Variants in PUM2 observed in about 807,000 individuals in gnomAD.
PUM2 encodes the protein pumilio RNA binding family member 2.
PUM2 carries 57 observed loss-of-function variants against 124.5 expected under a neutral mutation model. The ratio of observed to expected loss-of-function variants is 0.46; its 90% CI spans 0.37 to 0.57. The LOEUF is 0.57. Ranked by LOEUF, PUM2 falls within the 20% of genes least tolerant of loss-of-function variation. PUM2 has a pLI of 0.00. For missense variants in PUM2, 1,065 were observed against 1,290.6 expected (o/e 0.83, Z 2.68); for synonymous variants, 460 against 446.1 (o/e 1.03, Z -0.39).
At chr2:20,333,376 A>G (rs1685312361) in intron 1 of PUM2, among the ~76,000 whole-genome samples, 1 of 152,168 alleles carries the variant, frequency 6.6e-6, no homozygotes. Context: ...TCTACAAAAA[A>G]TTAAAAAATT....
chr2:20,267,019 C>T (rs1667815498), intron 13 of PUM2, among the ~76,000 whole-genome samples: 1 of 150,200 alleles, frequency 6.7e-6, no homozygotes, highest in African/African-American at 2.5e-5. Context: ...GGACATCATG[C>T]CTGTAACTTT....
In PUM2 at chr2:20,263,308, G is replaced by A. The variant is rs1558494480; in HGVS notation, c.2110C>T (p.Pro704Ser). 3.0e-5 allele frequency: 48 copies of A among 1,614,082 alleles called. No individual in the cohort carries two copies. Among genetic ancestry groups the A allele is most frequent in the Non-Finnish European group, 3.8e-5 (45 of 1,179,936 alleles). The change falls in exon 14 of 21, where the codon CCT (proline) becomes TCT (serine). Residue 704 changes from proline to serine, a missense_variant. This residue lies in a region of PUM2 where 968 missense variants were observed against 1,159.8 expected (regional missense o/e 0.83). Transcript: ENST00000361078. ...RLRYNRSDIM[P>S]SGRSRLLEDF... is the part of the protein sequence containing the mutation. ...TCCAATAATCTACTGCGGCCAGAAG[G>A]CATAATATCAGACCTATTATACCGA... is the stretch of plus-strand genomic sequence containing the variant.
chr2:20,262,866 A>G (rs1384835039), intron 14 of PUM2, among the ~76,000 whole-genome samples: 8 of 152,282 alleles, frequency 5.3e-5, no homozygotes, highest in East Asian at 1.9e-4. Context: ...ATTGTTTGCT[A>G]TATTTTTTAA....
At chr2:20,285,002 C>T (rs1350331192) in intron 10 of PUM2, among the ~76,000 whole-genome samples, 1 of 152,210 alleles carries the variant, frequency 6.6e-6, no homozygotes, top group Admixed American at 6.5e-5. Flanking sequence ...CCAAGGCACA[C>T]AGAAAACATT....
intron 9 of PUM2, among the ~76,000 whole-genome samples, chr2:20,293,635 G>A (rs1436002921): frequency 1.3e-5 from 2 of 152,124 alleles, no homozygotes; most frequent in Non-Finnish European, 2.9e-5. Context: ...ACTTGAACCT[G>A]GGGTGGAAGT....
intron 10 of PUM2, among the ~76,000 whole-genome samples, chr2:20,286,125 G>C (rs1672666275): frequency 6.6e-6 from 1 of 152,172 alleles, no homozygotes; most frequent in African/African-American, 2.4e-5. Flanking sequence ...GAAACCATTA[G>C]AGTTTTGAGG....
chr2:20,340,163 A>T (rs1365495775), intron 1 of PUM2, among the ~76,000 whole-genome samples: 1 of 151,832 alleles, frequency 6.6e-6, no homozygotes, highest in East Asian at 1.9e-4. Context: ...GAACTGGTTT[A>T]AAAAAAAATC....
At chr2:20,268,068 G>T (rs1469976824) in intron 13 of PUM2, among the ~76,000 whole-genome samples, 1 of 152,118 alleles carries the variant, frequency 6.6e-6, no homozygotes, top group Admixed American at 6.5e-5. Context: ...ACAAAATAAA[G>T]AAATCTGTCT....
At chr2:20,258,049 A>G (rs1665233656) in intron 16 of PUM2, among the ~76,000 whole-genome samples, 194 bp downstream of exon 16, 1 of 152,206 alleles carries the variant, frequency 6.6e-6, no homozygotes, top group Admixed American at 6.5e-5. Flanking sequence ...GTGCTAAAAT[A>G]TCTTCATTTA....
intron 9 of PUM2, among the ~76,000 whole-genome samples, chr2:20,292,132 A>G (rs1558566979): frequency 1.3e-5 from 2 of 150,894 alleles, no homozygotes; most frequent in East Asian, 3.9e-4. Context: ...CATGAGCTGC[A>G]TCATGCTGCT....
Position 20,251,590 on chromosome 2 carries a change from G to A in PUM2, c.3190C>T (p.Leu1064=), listed in dbSNP as rs1197559503. Residue 1064 remains leucine, a synonymous_variant, in exon 21 of 21, where the codon CTG becomes TTG. Coordinates refer to ENST00000361078, the MANE Select transcript of PUM2 (RefSeq NM_015317.5). ...CTTTCTCTTGCTCCTGTAATTTACA[G>A]CATTCCATTTGGTGGTCCTCCAATA... ...GPIGGPPNGM[L] 3.1e-6 allele frequency: 5 copies of A among 1,611,264 alleles called. No homozygotes were observed. In the South Asian group the frequency reaches 3.3e-5, roughly 11 times the overall value.
rs746545763 is a variant in PUM2 at position 20,308,040 on chromosome 2, T to G, written c.821A>C (p.Gln274Pro). 2 of 1,613,432 alleles carry G rather than the reference T, an allele frequency of 1.2e-6. No homozygotes were observed. Among genetic ancestry groups the G allele is most frequent in the African/African-American group, 2.7e-5 (2 of 74,936 alleles). Residue 274 changes from glutamine to proline, a missense_variant, in exon 7 of 21, where the codon CAA becomes CCA. Gln to Pro is a moderately conservative substitution (Grantham distance 76). Coordinates refer to ENST00000361078, the MANE Select transcript of PUM2 (RefSeq NM_015317.5). ...CTGCTGTTGAGCTGCAGTTAACTGT[T>G]GAACTGTTAGTGCATTAGTCCTCTG... ...LFQRTNALTVQQLTAAQQQQY... is the reference protein window; with the variant it reads ...LFQRTNALTVPQLTAAQQQQY...
chr2:20,312,472 C>A, intron 3 of PUM2, 49 bp from the exon 4 acceptor site: 2 of 1,485,930 alleles, frequency 1.3e-6, no homozygotes, highest in Non-Finnish European at 1.8e-6. Flanking sequence ...TTAAGTTAAA[C>A]AAAATGTAGT....
chr2:20,288,127 G>A (rs1364545013), intron 10 of PUM2, among the ~76,000 whole-genome samples: 2 of 152,120 alleles, frequency 1.3e-5, no homozygotes, highest in Non-Finnish European at 2.9e-5. Context: ...AAAATAACTT[G>A]GGCACGGTTA....
chr2:20,266,987 C>A (rs971444427), intron 13 of PUM2, among the ~76,000 whole-genome samples: 1 of 151,448 alleles, frequency 6.6e-6, no homozygotes, highest in African/African-American at 2.4e-5. Flanking sequence ...AAGAAACATA[C>A]ACTAATGTAC....
chr2:20,346,105 A>G (rs1688199096), intron 1 of PUM2, among the ~76,000 whole-genome samples: 1 of 152,330 alleles, frequency 6.6e-6, no homozygotes, highest in Admixed American at 6.5e-5. Context: ...TTTGGAAAAA[A>G]AGTAATAAAT....
intron 9 of PUM2, among the ~76,000 whole-genome samples, chr2:20,292,091 A>G (rs1397290292): frequency 3.3e-5 from 5 of 149,592 alleles, no homozygotes; most frequent in Admixed American, 2.7e-4. Flanking sequence ...TAAGCCCAGG[A>G]GGAGGTTTTT....
intron 7 of PUM2, among the ~76,000 whole-genome samples, chr2:20,299,572 G>A (rs1676460195): frequency 6.6e-6 from 1 of 152,090 alleles, no homozygotes; most frequent in Non-Finnish European, 1.5e-5. Flanking sequence ...GGAGGCTGAG[G>A]CATGAGAATT....
At chr2:20,298,006 C>T (rs1220183470) in intron 7 of PUM2, among the ~76,000 whole-genome samples, 1 of 152,132 alleles carries the variant, frequency 6.6e-6, no homozygotes, top group Non-Finnish European at 1.5e-5. Flanking sequence ...TAGCATGAGA[C>T]TGGCATAAAA....
Sources: allele counts gnomAD v4.1 joint callset (sites outside exome capture counted in the v4.1 genomes callset), GRCh38; gene constraint gnomAD v4.1.1; regional missense constraint gnomAD v4.1.1; transcripts MANE v1.5; gene names NCBI Gene and HGNC (gene_info 2026-07-23, HGNC 2026-07-21).